LAMA2: variants seen among roughly 807,000 people sequenced by gnomAD.
The protein encoded by LAMA2 is laminin subunit alpha-2.
A neutral mutation model predicts 364.8 loss-of-function variants in LAMA2; 269 were observed. That is an observed-to-expected ratio of 0.74 (90% CI 0.67 to 0.82). LAMA2 has a LOEUF of 0.82. LAMA2 is among the 40% of genes least tolerant of loss of function. The probability of loss-of-function intolerance (pLI) is 0.00; values close to 1 mark genes in which losing one functional copy is unlikely to be tolerated. For synonymous variants in LAMA2, 1,379 were observed against 1,370.6 expected (o/e 1.01, Z -0.14); for missense variants, 3,807 against 3,873.2 (o/e 0.98, Z 0.45).
chr6:128,915,921 C>T (rs1397059800), intron 1 of LAMA2, among the ~76,000 whole-genome samples: 1 of 152,146 alleles, frequency 6.6e-6, no homozygotes, highest in African/African-American at 2.4e-5. Context: ...GATAACCTAT[C>T]TGTTCTTTAT....
At position 129,328,344 on chromosome 6, in the gene LAMA2, G is replaced by T. The variant is rs1424818513; in HGVS notation, c.4243G>T (p.Gly1415Cys). Residue 1415 changes from glycine (G) to cysteine (C), a missense_variant, in exon 29 of 65, where the codon GGC becomes TGC. By Grantham distance (159) the Gly-to-Cys change is radical. Transcript: ENST00000421865. The stretch of plus-strand genomic sequence containing the variant: ...TGGCCGCACCCCTGGACCAACCCTG[G>T]GCACCTGTGTTCCATGTCAATGTAA... ...PGGRTPGPTL[G>C]TCVPCQCNGH... is the part of the protein sequence containing the mutation. 1.9e-6 allele frequency: 3 copies of T among 1,613,948 alleles called. No individual in the cohort carries two copies. Among genetic ancestry groups the T allele is most frequent in the Non-Finnish European group, 2.5e-6 (3 of 1,180,010 alleles).
chr6:129,390,322 A>G (rs995339909), intron 35 of LAMA2, among the ~76,000 whole-genome samples: 1 of 152,000 alleles, frequency 6.6e-6, no homozygotes. Flanking sequence ...TGCTGCTTAT[A>G]GGGGACCACA....
At chr6:129,076,881 A>G (rs1773700719) in intron 3 of LAMA2, among the ~76,000 whole-genome samples, 1 of 152,098 alleles carries the variant, frequency 6.6e-6, no homozygotes, top group South Asian at 2.1e-4. Context: ...GAAACAATAA[A>G]CACAATGAAA....
intron 34 of LAMA2, among the ~76,000 whole-genome samples, chr6:129,372,498 A>G (rs1778144904): frequency 6.6e-6 from 1 of 152,104 alleles, no homozygotes; most frequent in African/African-American, 2.4e-5. Flanking sequence ...TGTAGTGTTG[A>G]ATAATATTTC....
chr6:129,177,662 G>T lies in LAMA2; in HGVS notation c.1307-44G>T, dbSNP rs778823029. The T allele has an allele frequency of 6.9e-6, 11 of 1,592,396 alleles. No homozygotes were observed. In the South Asian group the frequency reaches 1.2e-4, roughly 18 times the overall value. On this transcript the variant is annotated intron_variant, in intron 9 of 64. Coordinates refer to ENST00000421865, the MANE Select transcript of LAMA2 (RefSeq NM_000426.4). ...ATTAAAACTTTAACAACTAAATTAT[G>T]TACTTGTTTTAGAAATGTTGATATG...
chr6:129,205,225 T>TAA (rs11387698), intron 12 of LAMA2, among the ~76,000 whole-genome samples: 23 of 150,082 alleles, frequency 1.5e-4, no homozygotes, highest in African/African-American at 4.7e-4. Flanking sequence ...CCGTCTCTAC[T>TAA]AAAAAAAATA....
At chr6:128,967,305 C>T (rs1047875562) in intron 1 of LAMA2, among the ~76,000 whole-genome samples, 1 of 151,994 alleles carries the variant, frequency 6.6e-6, no homozygotes, top group Non-Finnish European at 1.5e-5. Context: ...GAAATAAGTT[C>T]TAAAAGGAAA....
At chr6:129,234,679 C>A (rs948112266) in intron 12 of LAMA2, among the ~76,000 whole-genome samples, 3 of 151,952 alleles carry the variant, frequency 2.0e-5, no homozygotes, top group Non-Finnish European at 4.4e-5. Flanking sequence ...AAATGTAAGC[C>A]ATATTGATGC....
At chr6:129,018,916 T>C (rs1007336731) in intron 1 of LAMA2, among the ~76,000 whole-genome samples, 1 of 152,186 alleles carries the variant, frequency 6.6e-6, no homozygotes, top group Non-Finnish European at 1.5e-5. Context: ...TAGCTTTTCT[T>C]GTATTCTTGT....
intron 1 of LAMA2, chr6:128,928,897 A>G (rs1582700610): frequency 7.2e-6 from 5 of 698,278 alleles, no homozygotes; most frequent in East Asian, 2.5e-5. Flanking sequence ...GATGGCCAGG[A>G]CCTCTTTTGG....
At position 129,300,746 on chromosome 6, in the gene LAMA2, T is replaced by C. The variant is rs2114460794; in HGVS notation, c.3048T>C (p.Cys1016=). The change falls in exon 22 of 65, where the codon TGT becomes TGC. Residue 1016 remains cysteine (C), a synonymous_variant. Transcript: ENST00000421865. ...CTTATACCGGTGAAGCTTGTGAATG[T>C]TCTCATCTGGGTAATAATTGTGACC... ...FQEGGCTACE[C]SHLGNNCDPK... The C allele has an allele frequency of 6.2e-7, 1 of 1,613,830 alleles. No homozygotes were observed. Among genetic ancestry groups the C allele is most frequent in the South Asian group, 1.1e-5 (1 of 91,078 alleles).
intron 36 of LAMA2, among the ~76,000 whole-genome samples, chr6:129,391,917 T>G (rs1220573720): frequency 6.6e-6 from 1 of 152,182 alleles, no homozygotes; most frequent in Admixed American, 6.5e-5. Context: ...CTACATATAA[T>G]CAAGTAAATG....
At chr6:129,015,510 A>G (rs941170965) in intron 1 of LAMA2, among the ~76,000 whole-genome samples, 33 of 152,258 alleles carry the variant, frequency 2.2e-4, no homozygotes, top group Admixed American at 1.8e-3. Flanking sequence ...CATTTTAAGT[A>G]TATAATATGA....
chr6:129,295,302 A>T, intron 20 of LAMA2, among the ~76,000 whole-genome samples: 1 of 122,688 alleles, frequency 8.2e-6, no homozygotes, highest in East Asian at 2.3e-4. Context: ...TGTGCTTTGC[A>T]AAAAGGAAGC....
At chr6:129,505,499 G>C in intron 61 of LAMA2, 144 bp downstream of exon 61, 1 of 703,532 alleles carries the variant, frequency 1.4e-6, no homozygotes, top group South Asian at 1.7e-5. Flanking sequence ...AGAAGGGTTT[G>C]TTGTTTATTT....
chr6:129,239,781 G>A (rs1225064642), intron 12 of LAMA2, among the ~76,000 whole-genome samples: 1 of 152,138 alleles, frequency 6.6e-6, no homozygotes, highest in African/African-American at 2.4e-5. Flanking sequence ...CTCCCAAGTA[G>A]CTGGAATTAT....
chr6:129,326,790 A>G (rs1175130146), intron 28 of LAMA2, among the ~76,000 whole-genome samples: 2 of 145,406 alleles, frequency 1.4e-5, no homozygotes, highest in Non-Finnish European at 3.0e-5. Flanking sequence ...TATTATATAT[A>G]TATAATTAAT....
At position 129,424,679 on chromosome 6, in the gene LAMA2, T is replaced by A. The variant is rs145892658; in HGVS notation, c.5866-3073T>A. On this transcript the variant is annotated intron_variant, in intron 40 of 64. Coordinates refer to ENST00000421865, the MANE Select transcript of LAMA2 (RefSeq NM_000426.4). ...AAACCAAAATGATGACCAGTTAGAA[T>A]GTCTAAAATTTTAAAAGACAGGTTA... Among the ~76,000 whole-genome samples the A allele has an allele frequency of 9.9e-5, 15 of 152,136 alleles. No homozygotes were observed. In the East Asian group the frequency reaches 2.9e-3, roughly 29 times the overall value.
At chr6:129,372,854 G>A (rs1778164364) in intron 34 of LAMA2, among the ~76,000 whole-genome samples, 1 of 152,088 alleles carries the variant, frequency 6.6e-6, no homozygotes, top group Admixed American at 6.5e-5. Flanking sequence ...AAGTGTGTAT[G>A]GTATCTCATT....
Sources: allele counts gnomAD v4.1 joint callset (sites outside exome capture counted in the v4.1 genomes callset), GRCh38; gene constraint gnomAD v4.1.1; transcripts MANE v1.5; gene names NCBI Gene and HGNC (gene_info 2026-07-23, HGNC 2026-07-21).